FLG: variants seen among roughly 807,000 people sequenced by gnomAD.
FLG encodes filaggrin, also known as epidermal filaggrin.
Under a neutral mutation model 3.8 loss-of-function variants are expected in FLG, and 6 were observed. The observed-to-expected ratio is 1.60, with a 90% confidence interval of 0.87 to 3.15. The LOEUF (loss-of-function observed/expected upper bound fraction) is 3.15. Ranked by LOEUF, FLG falls within the 30% of genes most tolerant of loss-of-function variation. The pLI is 0.00. For missense variants in FLG, 7,595 were observed against 5,050.9 expected (o/e 1.50, Z -15.27); for synonymous variants, 2,551 against 1,931.6 (o/e 1.32, Z -8.41).
Position 152,309,341 on chromosome 1 carries a change from G to A in FLG, c.5545C>T (p.Gln1849Ter), listed in dbSNP as rs761275108. The A allele has an allele frequency of 1.2e-6, 2 of 1,613,712 alleles. No individual in the cohort carries two copies. Among genetic ancestry groups the A allele is most frequent in the Non-Finnish European group, 1.7e-6 (2 of 1,179,994 alleles). The change falls in exon 3 of 3, where the codon CAG (glutamine) becomes TAG (stop). Residue 1849 changes from glutamine to a stop codon, truncating the protein, a stop_gained. Coordinates refer to ENST00000368799, the MANE Select transcript of FLG (RefSeq NM_002016.2). LOFTEE classifies it low-confidence loss of function (END_TRUNC). ...CCACGGGAGACATCAGACCTTTCCT[G>A]GGACGTGGTGTGGCTGTGATGAGAC... is the stretch of plus-strand genomic sequence containing the variant. The part of the protein sequence containing the change: ...SGSHHSHTTS[Q>*]ERSDVSRGQS...
chr1:152,318,502 C>T (rs754142862), intron 1 of FLG, among the ~76,000 whole-genome samples: 10 of 151,748 alleles, frequency 6.6e-5, no homozygotes, highest in Non-Finnish European at 1.2e-4. Flanking sequence ...GTATTCTTTA[C>T]TAACCTCTCT....
Position 152,305,288 on chromosome 1 carries a change from C to T in FLG, c.9598G>A (p.Gly3200Arg). 1.9e-6 allele frequency: 3 copies of T among 1,611,978 alleles called. No homozygotes were observed. The highest frequency in any genetic ancestry group is 2.2e-5 in the South Asian group (2 of 90,742). Residue 3200 changes from glycine (G) to arginine (R), a missense_variant, in exon 3 of 3, where the codon GGA (glycine) becomes AGA (arginine). Coordinates refer to ENST00000368799, the MANE Select transcript of FLG (RefSeq NM_002016.2). ...CTTCTCCTGGACCCCTCTGATTGTCCCTGGACTGCCTGTGAGTGTCTAGAG... is the reference window on the plus strand; with the variant it reads ...CTTCTCCTGGACCCCTCTGATTGTCTCTGGACTGCCTGTGAGTGTCTAGAG... ...DISRHSQAVQ[G>R]QSEGSRRSRR...
Position 152,307,014 on chromosome 1 carries a change from T to C in FLG, c.7872A>G (p.Arg2624=), listed in dbSNP as rs780003739. ...AGHGHSADSS[R]QSGTRHTQTS... Reference sequence around the variant, plus strand: ...TCTGTGTGTGACGAGTGCCTGATTGTCTGGAGCTGTCTGCAGAGTGCCCAT... The same window carrying C: ...TCTGTGTGTGACGAGTGCCTGATTGCCTGGAGCTGTCTGCAGAGTGCCCAT... Residue 2624 remains arginine (R), a synonymous_variant, in exon 3 of 3, where the codon AGA becomes AGG. Transcript: ENST00000368799. 1 of 1,596,420 alleles carries C rather than the reference T, an allele frequency of 6.3e-7. No homozygotes were observed. Among genetic ancestry groups the C allele is most frequent in the South Asian group, 1.1e-5 (1 of 90,208 alleles).
chr1:152,317,653 G>A (rs528271177), intron 1 of FLG, among the ~76,000 whole-genome samples: 1 of 151,770 alleles, frequency 6.6e-6, no homozygotes, highest in South Asian at 2.1e-4. Context: ...ATACTCCCTC[G>A]GGTCATCTCA....
At position 152,305,024 on chromosome 1, in the gene FLG, C is replaced by A; in HGVS notation, c.9862G>T (p.Ala3288Ser). Reference sequence around the variant, plus strand: ...GATCTTGCCTGTTCATGGGATGATGCAGCCTGTCCACCAGAGGAAGTCTCT... The same window carrying A: ...GATCTTGCCTGTTCATGGGATGATGAAGCCTGTCCACCAGAGGAAGTCTCT... ...HAETSSGGQAASSHEQARSSP... is the reference protein window; with the variant it reads ...HAETSSGGQASSSHEQARSSP... The change falls in exon 3 of 3, where the codon GCA (alanine) becomes TCA (serine). Residue 3288 changes from alanine (A) to serine (S), a missense_variant. Physicochemically the swap from Ala to Ser is moderately conservative, Grantham distance 99. Coordinates refer to ENST00000368799, the MANE Select transcript of FLG (RefSeq NM_002016.2). 7 of 1,613,880 alleles carry A rather than the reference C, an allele frequency of 4.3e-6. No individual in the cohort carries two copies. The highest frequency in any genetic ancestry group is 5.1e-6 in the Non-Finnish European group (6 of 1,179,980).
Position 152,313,695 on chromosome 1 carries a change from G to A in FLG, c.1191C>T (p.His397=), listed in dbSNP as rs759371747. Reference sequence around the variant, plus strand: ...AAGCTTGCCCGCGCCCAGTGGCTGAGTGTCTGGAGCTGTCTGCTGACTGCT... The same window carrying A: ...AAGCTTGCCCGCGCCCAGTGGCTGAATGTCTGGAGCTGTCTGCTGACTGCT... ...GHQQSADSSR[H]SATGRGQASS... Residue 397 remains histidine, a synonymous_variant, in exon 3 of 3, where the codon CAC becomes CAT. Transcript: ENST00000368799. The A allele has an allele frequency of 1.2e-6, 2 of 1,614,078 alleles. No individual in the cohort carries two copies. Among genetic ancestry groups the A allele is most frequent in the South Asian group, 2.2e-5 (2 of 91,076 alleles).
Position 152,308,339 on chromosome 1 carries a change from G to T in FLG, c.6547C>A (p.Gln2183Lys), listed in dbSNP as rs1374108298. ...CTGCTTGCACTTCTGGATCCTGACT[G>T]CCCACGGGAGGCATCAGACCTTCCC... ...SQGRSDASRG[Q>K]SGSRSASRKT... Residue 2183 changes from glutamine (Q) to lysine (K), a missense_variant, in exon 3 of 3, where the codon CAG (glutamine) becomes AAG (lysine). By Grantham distance (53) the Gln-to-Lys change is moderately conservative. Transcript: ENST00000368799. 1 of 1,613,500 alleles carries T rather than the reference G, an allele frequency of 6.2e-7. No homozygotes were observed. Among genetic ancestry groups the T allele is most frequent in the East Asian group, 2.2e-5 (1 of 44,882 alleles).
rs1215181566 is a variant in FLG at position 152,311,915 on chromosome 1, C to A, written c.2971G>T (p.Asp991Tyr). 1 of 1,614,130 alleles carries A rather than the reference C, an allele frequency of 6.2e-7. No homozygotes were observed. The highest frequency in any genetic ancestry group is 8.5e-7 in the Non-Finnish European group (1 of 1,180,012). The change falls in exon 3 of 3, where the codon GAC (aspartate) becomes TAC (tyrosine). Residue 991 changes from aspartate to tyrosine, a missense_variant. Physicochemically the swap from Asp to Tyr is radical, Grantham distance 160. Transcript: ENST00000368799. The part of the protein sequence containing the change: ...GSRHPRSHHE[D>Y]RAGHGHSADS... ...GCAGAGTGCCCGTGACCGGCTCTGTCTTCGTGATGGGACCTGGGGTGTCTG... is the reference window on the plus strand; with the variant it reads ...GCAGAGTGCCCGTGACCGGCTCTGTATTCGTGATGGGACCTGGGGTGTCTG...
Position 152,307,606 on chromosome 1 carries a change from G to A in FLG, c.7280C>T (p.Ala2427Val), listed in dbSNP as rs373465536. The A allele has an allele frequency of 6.2e-7, 1 of 1,613,628 alleles. No homozygotes were observed. The highest frequency in any genetic ancestry group is 1.3e-5 in the African/African-American group (1 of 74,774). The change falls in exon 3 of 3, where the codon GCC becomes GTC. Residue 2427 changes from alanine to valine, a missense_variant. Ala to Val is a moderately conservative substitution (Grantham distance 64). Coordinates refer to ENST00000368799, the MANE Select transcript of FLG (RefSeq NM_002016.2). ...QVSTHEQSES[A>V]HGRTGTSTGG... is the part of the protein sequence containing the mutation. ...AGTGCTGGTCCCGGTCCGTCCATGGGCGGACTCAGACTGTTCATGAGTGCT... is the reference window on the plus strand; with the variant it reads ...AGTGCTGGTCCCGGTCCGTCCATGGACGGACTCAGACTGTTCATGAGTGCT...
Position 152,307,479 on chromosome 1 carries a change from G to C in FLG, c.7407C>G (p.Ser2469Arg), listed in dbSNP as rs771465526. 6.2e-7 allele frequency: 1 copy of C among 1,613,240 alleles called. No individual in the cohort carries two copies. The highest frequency in any genetic ancestry group is 1.3e-5 in the African/African-American group (1 of 74,882). Residue 2469 changes from serine (S) to arginine (R), a missense_variant, in exon 3 of 3, where the codon AGC (serine) becomes AGG (arginine). Transcript: ENST00000368799. Reference sequence around the variant, plus strand: ...AGTGGGATCCCTGCCTTCCTCCACTGCTTGACCCCGGGTGTCCATGAATGG... The same window carrying C: ...AGTGGGATCCCTGCCTTCCTCCACTCCTTGACCCCGGGTGTCCATGAATGG... Reference protein sequence around the residue: ...QDTIHGHPGSSSGGRQGSHYE... With the variant: ...QDTIHGHPGSRSGGRQGSHYE...
chr1:152,310,563 G>C lies in FLG; in HGVS notation c.4323C>G (p.Phe1441Leu). The C allele has an allele frequency of 6.2e-7, 1 of 1,613,864 alleles. No individual in the cohort carries two copies. Among genetic ancestry groups the C allele is most frequent in the Non-Finnish European group, 8.5e-7 (1 of 1,179,930 alleles). Residue 1441 changes from phenylalanine to leucine, a missense_variant, in exon 3 of 3, where the codon TTC (phenylalanine) becomes TTG (leucine). Coordinates refer to ENST00000368799, the MANE Select transcript of FLG (RefSeq NM_002016.2). ...SGESSGRSRS[F>L]LYQVSSHEQS... The stretch of plus-strand genomic sequence containing the variant: ...GTTCATGAGAGCTCACCTGGTAGAG[G>C]AAAGACCTTGAACGTCCAGAGCTTT...
Position 152,309,382 on chromosome 1 carries a change from C to G in FLG, c.5504G>C (p.Ser1835Thr), listed in dbSNP as rs146623900. ...QGSHYEQSVD[S>T]SGHSGSHHSH... ...GTGATGAGACCCTGAGTGTCCAGAA[C>G]TATCTACCGATTGCTCATAGTGGGA... The change falls in exon 3 of 3, where the codon AGT (serine) becomes ACT (threonine). Residue 1835 changes from serine (S) to threonine (T), a missense_variant. Ser to Thr is a moderately conservative substitution (Grantham distance 58, BLOSUM62 1). Coordinates refer to ENST00000368799, the MANE Select transcript of FLG (RefSeq NM_002016.2). 3.1e-6 allele frequency: 5 copies of G among 1,613,794 alleles called. No homozygotes were observed. In the East Asian group the frequency reaches 6.7e-5, roughly 22 times the overall value.
In FLG at chr1:152,304,365, A is replaced by G. The variant is rs1479114544; in HGVS notation, c.10521T>C (p.His3507=). The change falls in exon 3 of 3, where the codon CAT becomes CAC. Residue 3507 remains histidine (H), a synonymous_variant. Transcript: ENST00000368799. The stretch of plus-strand genomic sequence containing the variant: ...AGCTGTCCGCCTGAGTGGAAGCTTC[A>G]TGGTGATGCGACCATGAGTGCCTGG... ...DGSRHSWSHH[H]EASTQADSSR... is the part of the protein sequence containing the mutation. 1.2e-6 allele frequency: 2 copies of G among 1,611,510 alleles called. No individual in the cohort carries two copies. Among genetic ancestry groups the G allele is most frequent in the Non-Finnish European group, 1.7e-6 (2 of 1,179,032 alleles).
chr1:152,313,133 C>T lies in FLG; in HGVS notation c.1753G>A (p.Gly585Arg). The change falls in exon 3 of 3, where the codon GGG (glycine) becomes AGG (arginine). Residue 585 changes from glycine (G) to arginine (R), a missense_variant. Transcript: ENST00000368799. The stretch of plus-strand genomic sequence containing the variant: ...GAGGAAGCTTCATGATGACGTGACC[C>T]TGAGTGCCTGGTGCCGTCTCCTGAT... ...EQSGDGTRHS[G>R]SRHHEASSQA... 6.2e-7 allele frequency: 1 copy of T among 1,613,886 alleles called. No homozygotes were observed. Among genetic ancestry groups the T allele is most frequent in the Non-Finnish European group, 8.5e-7 (1 of 1,180,002 alleles).
At position 152,311,070 on chromosome 1, in the gene FLG, C is replaced by G. The variant is rs374998982; in HGVS notation, c.3816G>C (p.Gln1272His). 3.7e-6 allele frequency: 6 copies of G among 1,613,844 alleles called. No individual in the cohort carries two copies. The highest frequency in any genetic ancestry group is 5.1e-6 in the Non-Finnish European group (6 of 1,179,990). Residue 1272 changes from glutamine (Q) to histidine (H), a missense_variant, in exon 3 of 3, where the codon CAG (glutamine) becomes CAC (histidine). Transcript: ENST00000368799. ...TSRHQGSSVS[Q>H]DSDSERHSDD... ...CTGAGTGTCTCTCACTGTCACTGTC[C>G]TGGCTAACACTGGATCCCTGGTGCC...
chr1:152,308,912 A>G lies in FLG; in HGVS notation c.5974T>C (p.Ser1992Pro), dbSNP rs1652179399. ...TESSSRGQAA[S>P]SHEQARSSAG... Reference sequence around the variant, plus strand: ...CTTGATCTTGCCTGTTCATGGGATGACGCAGCCTGTCCACGAGAGGAAGAC... The same window carrying G: ...CTTGATCTTGCCTGTTCATGGGATGGCGCAGCCTGTCCACGAGAGGAAGAC... Residue 1992 changes from serine (S) to proline (P), a missense_variant, in exon 3 of 3, where the codon TCA (serine) becomes CCA (proline). Ser to Pro is a moderately conservative substitution (Grantham distance 74). Transcript: ENST00000368799. The G allele has an allele frequency of 1.2e-6, 2 of 1,613,918 alleles. No individual in the cohort carries two copies. The highest frequency in any genetic ancestry group is 1.7e-6 in the Non-Finnish European group (2 of 1,179,964).
rs372179015 is a variant in FLG at position 152,303,638 on chromosome 1, C to T, written c.11248G>A (p.Ala3750Thr). Reference sequence around the variant, plus strand: ...ATGGTGTCCTGACCCTCTTGGGACGCTGAGTGCCTGGAGCTGTCTCGTGCC... The same window carrying T: ...ATGGTGTCCTGACCCTCTTGGGACGTTGAGTGCCTGGAGCTGTCTCGTGCC... ...EQARDSSRHS[A>T]SQEGQDTIRG... Residue 3750 changes from alanine to threonine, a missense_variant, in exon 3 of 3, where the codon GCG (alanine) becomes ACG (threonine). By Grantham distance (58) the Ala-to-Thr change is moderately conservative. Coordinates refer to ENST00000368799, the MANE Select transcript of FLG (RefSeq NM_002016.2). 61 of 1,613,858 alleles carry T rather than the reference C, an allele frequency of 3.8e-5. No homozygotes were observed. The highest frequency in any genetic ancestry group is 2.6e-4 in the South Asian group (24 of 91,082).
rs138596526 is a variant in FLG, at chr1:152,310,353, C to A, written c.4533G>T (p.Arg1511Ser). The A allele has an allele frequency of 3.7e-6, 6 of 1,613,610 alleles. No homozygotes were observed. Among genetic ancestry groups the A allele is most frequent in the Non-Finnish European group, 5.1e-6 (6 of 1,179,944 alleles). Residue 1511 changes from arginine (R) to serine (S), a missense_variant, in exon 3 of 3, where the codon AGG becomes AGT. By Grantham distance (110) the Arg-to-Ser change is moderately radical. Coordinates refer to ENST00000368799, the MANE Select transcript of FLG (RefSeq NM_002016.2). ...TGTGATGGTACCCTGAGTGTCCAGA[C>A]CTATCTACTGATTGCTCGTGGTAGG... ...QGSYHEQSVD[R>S]SGHSGYHHSH...
Position 152,313,686 on chromosome 1 carries a change from A to T in FLG, c.1200T>A (p.Thr400=). 6.2e-7 allele frequency: 1 copy of T among 1,613,906 alleles called. No homozygotes were observed. The highest frequency in any genetic ancestry group is 1.7e-5 in the Admixed American group (1 of 60,010). ...QSADSSRHSA[T]GRGQASSAVS... The stretch of plus-strand genomic sequence containing the variant: ...CTGCAGATGAAGCTTGCCCGCGCCC[A>T]GTGGCTGAGTGTCTGGAGCTGTCTG... Residue 400 remains threonine (T), a synonymous_variant, in exon 3 of 3, where the codon ACT becomes ACA. Transcript: ENST00000368799.
Sources: gnomAD v4.1 joint callset for allele counts (sites outside exome capture counted in the v4.1 genomes callset) on GRCh38, gnomAD v4.1.1 for gene constraint, MANE v1.5 for transcripts, NCBI Gene and HGNC (gene_info 2026-07-23, HGNC 2026-07-21) for gene names.